Variants in STT3B observed in about 807,000 individuals in gnomAD.
The protein encoded by STT3B is dolichyl-diphosphooligosaccharide--protein glycosyltransferase subunit STT3B.
A neutral mutation model predicts 96.8 loss-of-function variants in STT3B; 29 were observed. The observed-to-expected ratio is 0.30, with a 90% CI of 0.22 to 0.41. STT3B has a LOEUF of 0.41. Ranked by LOEUF, STT3B falls within the 10% of genes least tolerant of loss-of-function variation. STT3B has a pLI of 1.00. For synonymous variants in STT3B, 367 were observed against 360.0 expected, an observed-to-expected ratio of 1.02 and a Z score of -0.22; for missense variants, 640 against 1,022.3, an observed-to-expected ratio of 0.63 and a Z score of 5.10.
At chr3:31,592,030 A>G (rs1449344973) in intron 3 of STT3B, among the ~76,000 whole-genome samples, 1 of 152,200 alleles carries the variant, frequency 6.6e-6, no homozygotes, top group African/African-American at 2.4e-5. Flanking sequence ...CATTAAGTAC[A>G]TTGATTATGC....
intron 3 of STT3B, among the ~76,000 whole-genome samples, chr3:31,584,304 A>G (rs1363970789): frequency 6.6e-6 from 1 of 152,188 alleles, no homozygotes; most frequent in African/African-American, 2.4e-5. Context: ...TTATGCCACT[A>G]CCGCACAGTT....
At chr3:31,574,664 A>C (rs891759162) in intron 1 of STT3B, among the ~76,000 whole-genome samples, 2 of 152,136 alleles carry the variant, frequency 1.3e-5, no homozygotes, top group Non-Finnish European at 2.9e-5. Context: ...TTGGCACACA[A>C]AGTTATTACT....
At chr3:31,554,349 G>T (rs1697640138) in intron 1 of STT3B, among the ~76,000 whole-genome samples, 1 of 152,150 alleles carries the variant, frequency 6.6e-6, no homozygotes, top group Non-Finnish European at 1.5e-5. Context: ...TTAAACACCA[G>T]AGTAATTTGA....
rs760970315 is a variant in STT3B, at chr3:31,533,049, G to T, written c.51G>T (p.Ser17=). 1.3e-5 allele frequency: 20 copies of T among 1,584,960 alleles called. No individual in the cohort carries two copies. The highest frequency in any genetic ancestry group is 1.7e-5 in the Non-Finnish European group (20 of 1,167,422). The change falls in exon 1 of 16, where the codon TCG becomes TCT. Residue 17 remains serine, a synonymous_variant. Transcript: ENST00000295770. ...GCAAGCACAAGTCGTCCCTCAACTC[G>T]TCCCCGTGGAGTGGCCTCATGGCCC... is the stretch of plus-strand genomic sequence containing the variant. The part of the protein sequence containing the change: ...PESKHKSSLN[S]SPWSGLMALG...
At chr3:31,609,143 A>G (rs1461588276) in intron 5 of STT3B, among the ~76,000 whole-genome samples, 1 of 152,196 alleles carries the variant, frequency 6.6e-6, no homozygotes, top group African/African-American at 2.4e-5. Context: ...TGTGTTAAGA[A>G]GAACCAAAAC....
chr3:31,630,264 A>G (rs1484305399), intron 14 of STT3B, among the ~76,000 whole-genome samples: 2 of 152,194 alleles, frequency 1.3e-5, no homozygotes, highest in Non-Finnish European at 2.9e-5. Context: ...ACTGGAGACA[A>G]CTCTAAGACT....
At chr3:31,579,393 C>G (rs1191690004) in intron 2 of STT3B, among the ~76,000 whole-genome samples, 1 of 137,404 alleles carries the variant, frequency 7.3e-6, no homozygotes, top group African/African-American at 2.7e-5. Context: ...TTCTCATTTT[C>G]TTATGTACAC....
chr3:31,589,174 A>G (rs1698611949), intron 3 of STT3B, among the ~76,000 whole-genome samples: 1 of 152,032 alleles, frequency 6.6e-6, no homozygotes, highest in African/African-American at 2.4e-5. Flanking sequence ...ATACTTAAGT[A>G]ATTCATTTTG....
In STT3B at chr3:31,562,880, C is replaced by A. The variant is rs994872066; in HGVS notation, c.315-13516C>A. ...CTTAGGTTCGAGTGATTCGTGGGATCCAGCATGAGCTGTCTCTCTGGAGCA... is the reference window on the plus strand; with the variant it reads ...CTTAGGTTCGAGTGATTCGTGGGATACAGCATGAGCTGTCTCTCTGGAGCA... On this transcript the variant is annotated intron_variant, in intron 1 of 15. Coordinates refer to ENST00000295770, the MANE Select transcript of STT3B (RefSeq NM_178862.3). Among the ~76,000 whole-genome samples, 3 of 152,138 alleles carry A rather than the reference C, an allele frequency of 2.0e-5. No individual in the cohort carries two copies. In the East Asian group the frequency reaches 5.8e-4, roughly 29 times the overall value.
chr3:31,547,465 T>G (rs1158021707), intron 1 of STT3B, among the ~76,000 whole-genome samples: 1 of 152,042 alleles, frequency 6.6e-6, no homozygotes, highest in Non-Finnish European at 1.5e-5. Context: ...GCCAATATGG[T>G]GAAACCCCGT....
chr3:31,613,451 G>T (rs560538005), intron 5 of STT3B, among the ~76,000 whole-genome samples: 1 of 152,180 alleles, frequency 6.6e-6, no homozygotes, highest in Admixed American at 6.5e-5. Flanking sequence ...TGTGTGTTCA[G>T]TGTTTGTCTA....
Position 31,533,158 on chromosome 3 carries a change from G to A in STT3B, c.160G>A (p.Ala54Thr). 7.7e-7 allele frequency: 1 copy of A among 1,300,758 alleles called. No individual in the cohort carries two copies. Among genetic ancestry groups the A allele is most frequent in the Non-Finnish European group, 9.8e-7 (1 of 1,023,838 alleles). 80.6% of individuals were successfully genotyped at this position (1,300,758 alleles called of 1,614,324 possible). A position where few individuals can be genotyped will look rare whatever the true frequency, so the allele number is the denominator to read the frequency against. The part of the protein sequence containing the change: ...AAGGAAPPKP[A>T]PAGLSGGLSQ... ...GGGCGGCGCGGCGCCGCCGAAGCCG[G>A]CCCCGGCGGGGCTGTCCGGGGGGCT... Residue 54 changes from alanine (A) to threonine (T), a missense_variant, in exon 1 of 16, where the codon GCC becomes ACC. Physicochemically the swap from Ala to Thr is moderately conservative, Grantham distance 58. Around this residue, in one of 8 missense-constraint regions of STT3B, gnomAD observed 89 missense variants for 81.7 expected, o/e 1.09. Transcript: ENST00000295770.
intron 1 of STT3B, among the ~76,000 whole-genome samples, chr3:31,559,789 A>G (rs967968719): frequency 6.6e-6 from 1 of 152,080 alleles, no homozygotes; most frequent in East Asian, 1.9e-4. Context: ...TGGATTGTTA[A>G]AAGTCCCCAA....
intron 9 of STT3B, 78 bp downstream of exon 9, chr3:31,619,908 T>G (rs897725228): frequency 2.8e-5 from 42 of 1,521,626 alleles, no homozygotes; most frequent in Non-Finnish European, 3.6e-5. Context: ...TAAATTTTTG[T>G]TTTTCTATGT....
intron 5 of STT3B, 86 bp from the exon 6 acceptor site, chr3:31,615,019 T>C (rs182496897): frequency 2.2e-4 from 159 of 737,878 alleles, no homozygotes; most frequent in Admixed American, 1.6e-3. Flanking sequence ...AATACTTTGC[T>C]AAAAACAGGA....
chr3:31,589,592 C>A (rs1342719947), intron 3 of STT3B, among the ~76,000 whole-genome samples: 2 of 151,850 alleles, frequency 1.3e-5, no homozygotes, highest in Non-Finnish European at 2.9e-5. Context: ...TCTATGCCTA[C>A]CTCATAAACA....
At chr3:31,533,621 T>C (rs1165144209) in intron 1 of STT3B, 11 of 205,916 alleles carry the variant, frequency 5.3e-5, no homozygotes, top group Non-Finnish European at 9.6e-5. Context: ...GCCGGGAGTG[T>C]GGGTGCAGTC....
chr3:31,607,669 A>C (rs1180073657), intron 5 of STT3B, among the ~76,000 whole-genome samples: 1 of 152,182 alleles, frequency 6.6e-6, no homozygotes, highest in Non-Finnish European at 1.5e-5. Flanking sequence ...TAATTGAATA[A>C]ATGTATATAG....
intron 3 of STT3B, among the ~76,000 whole-genome samples, chr3:31,582,974 G>A (rs1230297278): frequency 6.6e-6 from 1 of 152,082 alleles, no homozygotes; most frequent in Non-Finnish European, 1.5e-5. Context: ...TGTCTGTCCT[G>A]GAAAATGTCC....
Sources: allele counts gnomAD v4.1 joint callset (sites outside exome capture counted in the v4.1 genomes callset), GRCh38; gene constraint gnomAD v4.1.1; regional missense constraint gnomAD v4.1.1; transcripts MANE v1.5; gene names NCBI Gene and HGNC (gene_info 2026-07-23, HGNC 2026-07-21).